Variants in FGGY observed in about 807,000 individuals in gnomAD.
FGGY encodes FGGY carbohydrate kinase domain containing.
In FGGY, 72 loss-of-function variants were observed where a neutral mutation model predicts 71.3. The observed-to-expected ratio is 1.01, with a 90% CI of 0.84 to 1.23. The LOEUF is 1.23. Among genes scored for constraint, FGGY ranks in the 50% most tolerant of loss-of-function variants. The pLI, the probability that FGGY is intolerant of heterozygous loss-of-function variation, is 0.00. For synonymous variants in FGGY, 251 were observed against 250.3 expected, an observed-to-expected ratio of 1.00 and a Z score of -0.02; for missense variants, 668 against 682.3, an observed-to-expected ratio of 0.98 and a Z score of 0.23.
chr1:59,520,186 T>C (rs989176139), intron 7 of FGGY, among the ~76,000 whole-genome samples: 9 of 152,244 alleles, frequency 5.9e-5, no homozygotes, highest in Non-Finnish European at 1.2e-4. Flanking sequence ...CTTATTTCTA[T>C]AGAAGCCAAA....
intron 6 of FGGY, among the ~76,000 whole-genome samples, chr1:59,494,731 G>A: frequency 6.6e-6 from 1 of 152,166 alleles, no homozygotes; most frequent in South Asian, 2.1e-4. Flanking sequence ...GAGGAAGAAA[G>A]AGCAGAGAGT....
intron 10 of FGGY, among the ~76,000 whole-genome samples, chr1:59,637,411 T>C (rs1468824672): frequency 6.6e-6 from 1 of 152,130 alleles, no homozygotes; most frequent in Non-Finnish European, 1.5e-5. Flanking sequence ...GATGTGTGGA[T>C]CACCTGAGGT....
At chr1:59,496,795 C>T (rs765684614) in intron 6 of FGGY, among the ~76,000 whole-genome samples, 3 of 152,020 alleles carry the variant, frequency 2.0e-5, no homozygotes, top group Non-Finnish European at 4.4e-5. Context: ...GTGATATTTC[C>T]TTAGAGATTC....
intron 15 of FGGY, among the ~76,000 whole-genome samples, chr1:59,759,494 C>T (rs1425314152): frequency 6.6e-6 from 1 of 152,206 alleles, no homozygotes; most frequent in Non-Finnish European, 1.5e-5. Context: ...CATCTCTTCC[C>T]TGACCCTCCC....
At chr1:59,556,877 G>C (rs77969855) in intron 8 of FGGY, among the ~76,000 whole-genome samples, 195 of 152,296 alleles carry the variant, frequency 1.3e-3, no homozygotes, top group African/African-American at 4.5e-3. Context: ...GCTGCAGTTG[G>C]TTGCGATGAA....
intron 15 of FGGY, among the ~76,000 whole-genome samples, chr1:59,758,719 G>A (rs376780314): frequency 6.6e-6 from 1 of 152,206 alleles, no homozygotes; most frequent in African/African-American, 2.4e-5. Flanking sequence ...ATAAAAGTGG[G>A]AGCAGCATAG....
At chr1:59,515,826 A>T (rs1256918365) in intron 7 of FGGY, among the ~76,000 whole-genome samples, 1 of 152,150 alleles carries the variant, frequency 6.6e-6, no homozygotes, top group Non-Finnish European at 1.5e-5. Context: ...TATTCTTCCC[A>T]GTCTCAGGTT....
chr1:59,505,102 T>C (rs2094343740), intron 6 of FGGY, among the ~76,000 whole-genome samples: 1 of 152,180 alleles, frequency 6.6e-6, no homozygotes, highest in African/African-American at 2.4e-5. Context: ...GTTTCTTTAT[T>C]AAACACCTCT....
chr1:59,422,792 A>G (rs568883870), intron 5 of FGGY, among the ~76,000 whole-genome samples: 4 of 152,328 alleles, frequency 2.6e-5, no homozygotes, highest in Admixed American at 6.5e-5. Context: ...GGCAAATACT[A>G]AAAGGAAAGA....
chr1:59,366,432 G>A (rs2056606049), intron 4 of FGGY, among the ~76,000 whole-genome samples: 1 of 151,654 alleles, frequency 6.6e-6, no homozygotes, highest in Non-Finnish European at 1.5e-5. Context: ...GAAGCCTTTA[G>A]AAAAGCCTTT....
chr1:59,375,278 A>T (rs1228891841), intron 4 of FGGY, among the ~76,000 whole-genome samples: 5 of 151,142 alleles, frequency 3.3e-5, no homozygotes, highest in Non-Finnish European at 7.4e-5. Flanking sequence ...AAAAAAAAAA[A>T]AAAAAGAAAC....
intron 11 of FGGY, among the ~76,000 whole-genome samples, chr1:59,656,769 A>G (rs889608375): frequency 6.6e-6 from 1 of 152,198 alleles, no homozygotes; most frequent in Non-Finnish European, 1.5e-5. Context: ...ATTTCTTCCC[A>G]GGAATAATTT....
At chr1:59,691,547 C>T (rs1045015195) in intron 14 of FGGY, among the ~76,000 whole-genome samples, 1 of 152,100 alleles carries the variant, frequency 6.6e-6, no homozygotes, top group Non-Finnish European at 1.5e-5. Context: ...CCTCTTGCTT[C>T]ACTAGCAGAG....
At chr1:59,337,048 CAT>C (rs35698016) in intron 2 of FGGY, among the ~76,000 whole-genome samples, 44,956 of 141,856 alleles carry the variant, frequency 0.32, 7,164 homozygotes, top group East Asian at 0.42. Context: ...TGTATATAGT[CAT>C]ATATATATAT....
At chr1:59,716,275 T>C (rs1175438766) in intron 14 of FGGY, among the ~76,000 whole-genome samples, 1 of 152,206 alleles carries the variant, frequency 6.6e-6, no homozygotes, top group African/African-American at 2.4e-5. Context: ...ATTAGCATGG[T>C]ATTCCCTTTC....
intron 5 of FGGY, among the ~76,000 whole-genome samples, chr1:59,455,553 G>A (rs1207422256): frequency 6.6e-6 from 1 of 152,216 alleles, no homozygotes; most frequent in Non-Finnish European, 1.5e-5. Context: ...ACTTTGTCCT[G>A]AAGTTAGAGC....
chr1:59,732,042 C>T (rs549989038), intron 14 of FGGY, among the ~76,000 whole-genome samples: 4 of 152,234 alleles, frequency 2.6e-5, no homozygotes, highest in Non-Finnish European at 5.9e-5. Flanking sequence ...GGAGGTAATA[C>T]CAGTCCCGTC....
intron 10 of FGGY, among the ~76,000 whole-genome samples, chr1:59,627,875 A>G (rs755605983): frequency 2.6e-4 from 39 of 152,194 alleles, no homozygotes; most frequent in Non-Finnish European, 4.6e-4. Flanking sequence ...TAAGTAAATA[A>G]CTTTGTAAGT....
Position 59,538,412 on chromosome 1 carries a change from G to C in FGGY, c.800-15712G>C, listed in dbSNP as rs61787025. ...CTGTTGGTGGGACTGTAAACTAGTT[G>C]AACCATTGTGGAAGTCAGCGTGGCG... On this transcript the variant is annotated intron_variant, in intron 7 of 15. Transcript: ENST00000303721. Among the ~76,000 whole-genome samples, 344 of 152,050 alleles carry C rather than the reference G, an allele frequency of 2.3e-3. 1 individual carries two copies. The highest frequency in any genetic ancestry group is 7.5e-3 in the African/African-American group (310 of 41,416).
Sources: gnomAD v4.1 joint callset for allele counts (sites outside exome capture counted in the v4.1 genomes callset) on GRCh38, gnomAD v4.1.1 for gene constraint, MANE v1.5 for transcripts, NCBI Gene and HGNC (gene_info 2026-07-23, HGNC 2026-07-21) for gene names.